The following DNM2 variants were observed in gnomAD, a reference collection of about 807,000 sequenced individuals.
The protein encoded by DNM2 is dynamin 2.
Under a neutral mutation model 99.0 loss-of-function variants are expected in DNM2, and 15 were observed. The ratio of observed to expected loss-of-function variants is 0.15; its 90% CI spans 0.10 to 0.23. DNM2 has a LOEUF of 0.23. DNM2 is among the 10% of genes least tolerant of loss of function. The pLI, the probability that DNM2 is intolerant of heterozygous loss-of-function variation, is 1.00. For missense variants in DNM2, 742 were observed against 1,189.4 expected, an observed-to-expected ratio of 0.62 and a Z score of 5.53; for synonymous variants, 525 against 481.2, an observed-to-expected ratio of 1.09 and a Z score of -1.19.
intron 5 of DNM2, among the ~76,000 whole-genome samples, chr19:10,778,593 A>G (rs2071237317): frequency 6.6e-6 from 1 of 152,094 alleles, no homozygotes; most frequent in Non-Finnish European, 1.5e-5. Flanking sequence ...TCGAAGCTGC[A>G]GTGAGCTATG....
At chr19:10,754,588 GTCT>G (rs977124083) in intron 1 of DNM2, among the ~76,000 whole-genome samples, 8 of 149,194 alleles carry the variant, frequency 5.4e-5, no homozygotes, top group Non-Finnish European at 8.9e-5. Flanking sequence ...TGATTTTCTT[GTCT>G]TCTTCTTCTT....
intron 1 of DNM2, among the ~76,000 whole-genome samples, chr19:10,732,245 G>A (rs1044686664): frequency 1.5e-5 from 2 of 137,896 alleles, no homozygotes; most frequent in Non-Finnish European, 3.1e-5. Context: ...GAGCCACCGC[G>A]CCCTTAAACT....
At chr19:10,801,046 C>G (rs2072119615) in intron 11 of DNM2, among the ~76,000 whole-genome samples, 1 of 152,266 alleles carries the variant, frequency 6.6e-6, no homozygotes, top group Non-Finnish European at 1.5e-5. Context: ...TGGCTCACGC[C>G]TGTAGTCCTA....
chr19:10,729,138 C>A (rs1445197902), intron 1 of DNM2, among the ~76,000 whole-genome samples: 2 of 90,114 alleles, frequency 2.2e-5, no homozygotes, highest in Non-Finnish European at 4.0e-5. Context: ...GCACTCCAGC[C>A]TGGGCGACAG....
At chr19:10,815,808 C>G (rs1026952511) in intron 15 of DNM2, among the ~76,000 whole-genome samples, 1 of 152,166 alleles carries the variant, frequency 6.6e-6, no homozygotes, top group Non-Finnish European at 1.5e-5. Context: ...GAGTGCCCCC[C>G]ACTGGGGACT....
intron 18 of DNM2, 111 bp downstream of exon 18, chr19:10,825,332 C>T: frequency 6.8e-7 from 1 of 1,468,034 alleles, no homozygotes; most frequent in East Asian, 2.4e-5. Context: ...GTCAGGAGTT[C>T]AAGACCAGCC....
At chr19:10,741,464 A>C (rs1056853705) in intron 1 of DNM2, among the ~76,000 whole-genome samples, 12 of 151,956 alleles carry the variant, frequency 7.9e-5, no homozygotes, top group South Asian at 4.1e-4. Flanking sequence ...CTTGGGCTCA[A>C]GTGATCCTCT....
intron 1 of DNM2, among the ~76,000 whole-genome samples, chr19:10,752,785 T>C (rs1167490066): frequency 6.6e-6 from 1 of 152,146 alleles, no homozygotes; most frequent in Non-Finnish European, 1.5e-5. Flanking sequence ...GCAGGTGCAG[T>C]GGGGTCATTG....
Position 10,775,918 on chromosome 19 carries a change from C to G in DNM2, c.589+12C>G. ...AGTCGATCCCCAAGGTAACCCTGAG[C>G]CTAGGGCAGTCCCCTCTTCCAGGTG... On this transcript the variant is annotated intron_variant, in intron 4 of 20. Coordinates refer to ENST00000389253, the MANE Select transcript of DNM2 (RefSeq NM_001005361.3). This position sits in a 1 kb window ranked among gnomAD's most constrained non-coding sequence, Gnocchi z 4.3. 6.2e-7 allele frequency: 1 copy of G among 1,608,754 alleles called. No individual in the cohort carries two copies. The highest frequency in any genetic ancestry group is 8.5e-7 in the Non-Finnish European group (1 of 1,179,960).
rs1315614763 is a variant in DNM2 at position 10,772,573 on chromosome 19, G to A, written c.330G>A (p.Gly110=). 1 of 1,614,150 alleles carries A rather than the reference G, an allele frequency of 6.2e-7. No individual in the cohort carries two copies. The highest frequency in any genetic ancestry group is 8.5e-7 in the Non-Finnish European group (1 of 1,180,026). The change falls in exon 3 of 21, where the codon GGG becomes GGA. Residue 110 remains glycine (G), a synonymous_variant. Coordinates refer to ENST00000389253, the MANE Select transcript of DNM2 (RefSeq NM_001005361.3). This position sits in a 1 kb window ranked among gnomAD's most constrained non-coding sequence, Gnocchi z 4.9. ...AAGCAGAGACCGACAGGGTCACGGGGACCAACAAAGGCATCTCCCCAGTGC... is the reference window on the plus strand; with the variant it reads ...AAGCAGAGACCGACAGGGTCACGGGAACCAACAAAGGCATCTCCCCAGTGC... The part of the protein sequence containing the change: ...EIEAETDRVT[G]TNKGISPVPI...
At chr19:10,769,897 G>A (rs906934891) in intron 2 of DNM2, among the ~76,000 whole-genome samples, 7 of 152,208 alleles carry the variant, frequency 4.6e-5, no homozygotes, top group African/African-American at 1.4e-4. Flanking sequence ...TCAAAGAGGC[G>A]AAGTTCCTTC....
chr19:10,746,952 G>A (rs2070008941), intron 1 of DNM2, among the ~76,000 whole-genome samples: 3 of 151,696 alleles, frequency 2.0e-5, no homozygotes, highest in Non-Finnish European at 4.4e-5. Flanking sequence ...GGCCAAGCTG[G>A]TCTCAAACTC....
intron 1 of DNM2, among the ~76,000 whole-genome samples, chr19:10,738,495 A>T (rs1230054656): frequency 6.6e-6 from 1 of 151,020 alleles, no homozygotes; most frequent in Non-Finnish European, 1.5e-5. Flanking sequence ...GGAGGGCTAC[A>T]GGAGGGTGGG....
chr19:10,746,196 G>T (rs1321448902), intron 1 of DNM2, among the ~76,000 whole-genome samples: 2 of 152,166 alleles, frequency 1.3e-5, no homozygotes, highest in Non-Finnish European at 2.9e-5. Flanking sequence ...CTGGACCTCA[G>T]GTGATCCACC....
intron 2 of DNM2, among the ~76,000 whole-genome samples, chr19:10,770,848 A>G (rs2070951592): frequency 6.6e-6 from 1 of 152,180 alleles, no homozygotes. Context: ...CTGCTACAAC[A>G]CAAGGGAATT....
intron 1 of DNM2, among the ~76,000 whole-genome samples, chr19:10,729,360 A>G (rs1338826529): frequency 6.6e-6 from 1 of 151,882 alleles, no homozygotes; most frequent in Non-Finnish European, 1.5e-5. Context: ...CTCTATCTCA[A>G]AAAAAACAAA....
chr19:10,793,491 C>T (rs1488265344), intron 7 of DNM2, among the ~76,000 whole-genome samples: 1 of 152,218 alleles, frequency 6.6e-6, no homozygotes, highest in Non-Finnish European at 1.5e-5. Context: ...TGGGCCTTCT[C>T]AGATCGAATG....
Position 10,765,179 on chromosome 19 carries a change from C to T in DNM2, c.235+5368C>T, listed in dbSNP as rs1237781171. Among the ~76,000 whole-genome samples, 1 of 151,980 alleles carries T rather than the reference C, an allele frequency of 6.6e-6. No homozygotes were observed. Among genetic ancestry groups the T allele is most frequent in the Non-Finnish European group, 1.5e-5 (1 of 67,996 alleles). ...TTCACCGTGTTAGCCAGGATGGTCT[C>T]GATCTCCTGACCTCGTGATCCGCCC... On this transcript the variant is annotated intron_variant, in intron 2 of 20. Transcript: ENST00000389253. This position sits in a 1 kb window ranked among gnomAD's most constrained non-coding sequence, Gnocchi z 4.4.
At position 10,830,487 on chromosome 19, in the gene DNM2, G is replaced by A; in HGVS notation, c.2543+109G>A. 2 of 1,294,580 alleles carry A rather than the reference G, an allele frequency of 1.5e-6. No homozygotes were observed. The highest frequency in any genetic ancestry group is 2.1e-6 in the Non-Finnish European group (2 of 934,384). 80.2% of individuals were successfully genotyped at this position (1,294,580 alleles called of 1,614,324 possible). ...CACTACGTGCCCAGCTGCTGGAGTG[G>A]AGGAATCGTCCTCATCCCTATTTGG... On this transcript the variant is annotated intron_variant, in intron 20 of 20. Transcript: ENST00000389253. This position sits in a 1 kb window ranked among gnomAD's most constrained non-coding sequence, Gnocchi z 4.8.
Sources: allele counts gnomAD v4.1 joint callset (sites outside exome capture counted in the v4.1 genomes callset), GRCh38; gene constraint gnomAD v4.1.1; non-coding constraint Gnocchi (gnomAD v3.1); transcripts MANE v1.5; gene names NCBI Gene and HGNC (gene_info 2026-07-23, HGNC 2026-07-21).